Variants in AMZ1 observed in about 807,000 individuals in gnomAD.
AMZ1 encodes archaemetzincin-1.
AMZ1 carries 39 observed loss-of-function variants against 29.9 expected under a neutral mutation model. The observed-to-expected ratio is 1.30, with a 90% CI of 1.01 to 1.70. The LOEUF is 1.70. Among genes scored for constraint, AMZ1 ranks in the 40% most tolerant of loss-of-function variants. AMZ1 has a pLI of 0.00. For synonymous variants in AMZ1, 458 were observed against 304.0 expected (o/e 1.51, Z -5.27); for missense variants, 1,041 against 680.6 (o/e 1.53, Z -5.89).
chr7:2,735,174 C>T (rs1210753798), intron 4 of AMZ1, among the ~76,000 whole-genome samples: 2 of 152,228 alleles, frequency 1.3e-5, no homozygotes, highest in Non-Finnish European at 2.9e-5. Flanking sequence ...CTCCTGCTCT[C>T]CTGCCCTCCC....
At chr7:2,710,638 G>C (rs967549428) in intron 6 of AMZ1, among the ~76,000 whole-genome samples, 1 of 152,234 alleles carries the variant, frequency 6.6e-6, no homozygotes, top group Non-Finnish European at 1.5e-5. Context: ...ACTAGAGGCC[G>C]TGGCATTTCT....
At chr7:2,749,285 G>T (rs1583232045) in intron 4 of AMZ1, among the ~76,000 whole-genome samples, 1 of 152,154 alleles carries the variant, frequency 6.6e-6, no homozygotes, top group East Asian at 1.9e-4. Flanking sequence ...TGATAGACTG[G>T]ATTAAGAAAA....
intron 4 of AMZ1, among the ~76,000 whole-genome samples, chr7:2,727,376 G>A (rs771341008): frequency 1.3e-5 from 2 of 151,952 alleles, no homozygotes; most frequent in Non-Finnish European, 2.9e-5. Flanking sequence ...CACTGCGCCC[G>A]GCCATCTTCA....
At chr7:2,711,950 C>G (rs534148844) in intron 6 of AMZ1, among the ~76,000 whole-genome samples, 7 of 152,190 alleles carry the variant, frequency 4.6e-5, no homozygotes, top group Non-Finnish European at 1.0e-4. Flanking sequence ...AGGAGGCCAA[C>G]GCAGGAGAAT....
chr7:2,687,969 T>C (rs1422302064), upstream of AMZ1, among the ~76,000 whole-genome samples: 2 of 152,190 alleles, frequency 1.3e-5, no homozygotes, highest in African/African-American at 4.8e-5. Flanking sequence ...TGGCCCGGGC[T>C]GACTGACCTC....
At chr7:2,710,994 G>C (rs1398622307) in intron 6 of AMZ1, among the ~76,000 whole-genome samples, 1 of 152,124 alleles carries the variant, frequency 6.6e-6, no homozygotes, top group Non-Finnish European at 1.5e-5. Flanking sequence ...CCTTCACCTG[G>C]GGTCTTGTGC....
chr7:2,680,608 A>T (rs1459036200), intron 1 of AMZ1, among the ~76,000 whole-genome samples: 3 of 152,166 alleles, frequency 2.0e-5, no homozygotes, highest in Non-Finnish European at 4.4e-5. Context: ...CCCAGCTCCG[A>T]CTATGTGGGA....
At chr7:2,690,521 G>C (rs1787323369) in intron 1 of AMZ1, among the ~76,000 whole-genome samples, 1 of 152,150 alleles carries the variant, frequency 6.6e-6, no homozygotes, top group Non-Finnish European at 1.5e-5. Flanking sequence ...TCTTCCAGCC[G>C]GGCTAGTCTG....
rs1445683219 is a variant in AMZ1, at chr7:2,717,708, C to T, written c.*4830C>T. 5.9e-5 allele frequency among the ~76,000 whole-genome samples: 9 copies of T among 152,268 alleles called. No homozygotes were observed. In the East Asian group the frequency reaches 7.7e-4, roughly 13 times the overall value. On this transcript the variant is annotated 3_prime_UTR_variant, in exon 7 of 7. Transcript: ENST00000683327. The stretch of plus-strand genomic sequence containing the variant: ...CGCTGTTAAAAACAGATGCAGATCG[C>T]GGGTGGAGACGGCCGGCCGAGCCTT...
At chr7:2,760,120 T>C (rs1386036758), upstream of AMZ1, among the ~76,000 whole-genome samples, 1 of 152,240 alleles carries the variant, frequency 6.6e-6, no homozygotes, top group African/African-American at 2.4e-5. Context: ...AGCTTGGATG[T>C]GTGGACAAAG....
upstream of AMZ1, among the ~76,000 whole-genome samples, chr7:2,683,780 T>A (rs1786972167): frequency 6.6e-6 from 1 of 151,708 alleles, no homozygotes; most frequent in Non-Finnish European, 1.5e-5. Flanking sequence ...CTGCCCAGGC[T>A]GGTCTCCAAC....
At chr7:2,757,876 T>C (rs1341779931) in intron 4 of AMZ1, among the ~76,000 whole-genome samples, 1 of 152,150 alleles carries the variant, frequency 6.6e-6, no homozygotes, top group Non-Finnish European at 1.5e-5. Context: ...AGCTTAAATA[T>C]TTTTTCCTTT....
intron 4 of AMZ1, among the ~76,000 whole-genome samples, chr7:2,744,112 A>C (rs146600606): frequency 6.6e-6 from 1 of 152,290 alleles, no homozygotes; most frequent in South Asian, 2.1e-4. Context: ...AGACAAACAA[A>C]AAGACAGCAG....
At chr7:2,763,233 G>T, upstream of AMZ1, 1 of 267,232 alleles carries the variant, frequency 3.7e-6, no homozygotes, top group South Asian at 1.9e-4. Flanking sequence ...CACACACACG[G>T]TCTCAACACA....
Position 2,733,852 on chromosome 7 carries a change from G to A in AMZ1, n.550+24036G>A, listed in dbSNP as rs911723974. 6.6e-5 allele frequency among the ~76,000 whole-genome samples: 10 copies of A among 152,314 alleles called. No homozygotes were observed. The South Asian group carries it at 1.9e-3, about 28-fold the overall frequency. On this transcript the variant is annotated intron_variant and non_coding_transcript_variant, in intron 4 of 4. Transcript: ENST00000489665. Reference sequence around the variant, plus strand: ...CTGGCCATGCGGCCAGCAAAGGACAGGCTAGAATAGGATTTTAGATTTTGG... The same window carrying A: ...CTGGCCATGCGGCCAGCAAAGGACAAGCTAGAATAGGATTTTAGATTTTGG...
At chr7:2,723,874 T>C (rs1177710636), downstream of AMZ1, among the ~76,000 whole-genome samples, 2 of 152,126 alleles carry the variant, frequency 1.3e-5, no homozygotes, top group African/African-American at 4.8e-5. Flanking sequence ...CCTACATCTG[T>C]CTCTGCGGCG....
chr7:2,743,488 T>C (rs539982115), intron 4 of AMZ1, among the ~76,000 whole-genome samples: 2 of 152,304 alleles, frequency 1.3e-5, no homozygotes, highest in South Asian at 2.1e-4. Context: ...GCTATTATAA[T>C]TAGGCTCAAT....
intron 4 of AMZ1, among the ~76,000 whole-genome samples, chr7:2,745,359 A>G (rs1790715939): frequency 6.6e-6 from 1 of 152,252 alleles, no homozygotes; most frequent in Non-Finnish European, 1.5e-5. Context: ...AGTGGGGGCC[A>G]ATATTCAACA....
At chr7:2,689,139 C>T (rs1417209612) in intron 1 of AMZ1, among the ~76,000 whole-genome samples, 2 of 152,252 alleles carry the variant, frequency 1.3e-5, no homozygotes, top group Non-Finnish European at 2.9e-5. Context: ...GCCTGAAGGT[C>T]TCCGCTGTCA....
Sources: allele counts gnomAD v4.1 joint callset (sites outside exome capture counted in the v4.1 genomes callset), GRCh38; gene constraint gnomAD v4.1.1; transcripts MANE v1.5; gene names NCBI Gene and HGNC (gene_info 2026-07-23, HGNC 2026-07-21).